Variants in MON2 observed in about 807,000 individuals in gnomAD.
The protein encoded by MON2 is MON2 regulator of endosome-to-Golgi trafficking.
MON2 carries 84 observed loss-of-function variants against 208.6 expected under a neutral mutation model. The ratio of observed to expected loss-of-function variants is 0.40; its 90% confidence interval spans 0.34 to 0.48. MON2 has a LOEUF of 0.48. Ranked by LOEUF, MON2 falls within the 20% of genes least tolerant of loss-of-function variation. The pLI, the probability that MON2 is intolerant of heterozygous loss-of-function variation, is 0.59. For missense variants in MON2, 1,611 were observed against 2,015.4 expected, an observed-to-expected ratio of 0.80 and a Z score of 3.84; for synonymous variants, 660 against 694.0, an observed-to-expected ratio of 0.95 and a Z score of 0.77.
At chr12:62,502,948 G>C (rs1033372422) in intron 7 of MON2, among the ~76,000 whole-genome samples, 4 of 152,004 alleles carry the variant, frequency 2.6e-5, no homozygotes, top group African/African-American at 9.7e-5. Flanking sequence ...CATAATTTTT[G>C]GTATACATTA....
intron 1 of MON2, among the ~76,000 whole-genome samples, chr12:62,476,538 G>T (rs553587502): frequency 6.6e-6 from 1 of 151,714 alleles, no homozygotes; most frequent in Non-Finnish European, 1.5e-5. Context: ...AGGCTCAAGC[G>T]ATTCTCTTGC....
At chr12:62,572,038 T>C (rs2074613067) in intron 30 of MON2, among the ~76,000 whole-genome samples, 1 of 152,218 alleles carries the variant, frequency 6.6e-6, no homozygotes, top group Non-Finnish European at 1.5e-5. Context: ...TTAAAGCTTG[T>C]ATTTAGGATG....
chr12:62,571,852 A>G (rs990952542), intron 30 of MON2, among the ~76,000 whole-genome samples: 1 of 152,380 alleles, frequency 6.6e-6, no homozygotes, highest in Admixed American at 6.5e-5. Context: ...TTAACTTAAT[A>G]AAACTAAGAA....
In MON2 at chr12:62,553,090, G is replaced by A. The variant is rs112464579; in HGVS notation, c.3126G>A (p.Lys1042=). The part of the protein sequence containing the change: ...LCVDPRPAVR[K]SAGQTLFSTI... ...TGGATCCCCGTCCTGCTGTCAGGAA[G>A]AGTGCAGGGCAAACTCTGTTTTCTA... The change falls in exon 24 of 35, where the codon AAG becomes AAA. Residue 1042 remains lysine (K), a synonymous_variant. Coordinates refer to ENST00000393630, the MANE Select transcript of MON2 (RefSeq NM_015026.3). The A allele has an allele frequency of 2.3e-5, 37 of 1,614,088 alleles. No homozygotes were observed. In the African/African-American group the frequency reaches 3.5e-4, roughly 15 times the overall value.
At chr12:62,530,364 G>A (rs1042003802) in intron 11 of MON2, among the ~76,000 whole-genome samples, 3 of 151,464 alleles carry the variant, frequency 2.0e-5, no homozygotes, top group Admixed American at 1.3e-4. Flanking sequence ...CCGAGTAGCT[G>A]TGACTACAGG....
At chr12:62,586,945 T>C (rs2136491453) in intron 33 of MON2, among the ~76,000 whole-genome samples, 1 of 152,322 alleles carries the variant, frequency 6.6e-6, no homozygotes, top group South Asian at 2.1e-4. Context: ...TATCATTTAA[T>C]TGTTTTGTAA....
At chr12:62,491,463 A>G (rs2070136650) in intron 2 of MON2, among the ~76,000 whole-genome samples, 1 of 152,160 alleles carries the variant, frequency 6.6e-6, no homozygotes, top group Non-Finnish European at 1.5e-5. Context: ...ATGAAAGTAT[A>G]TCTTCTTTTT....
chr12:62,489,762 A>T (rs1031710274), intron 2 of MON2, among the ~76,000 whole-genome samples: 2 of 152,014 alleles, frequency 1.3e-5, no homozygotes, highest in African/African-American at 4.8e-5. Context: ...AACTGCCTAG[A>T]CTTTCATTTG....
chr12:62,492,933 C>T (rs2070247398), intron 2 of MON2, among the ~76,000 whole-genome samples: 2 of 151,738 alleles, frequency 1.3e-5, no homozygotes, highest in South Asian at 2.1e-4. Flanking sequence ...GAGCCAAGAT[C>T]GTGCCACTGC....
chr12:62,476,933 G>A (rs146792774), intron 1 of MON2, among the ~76,000 whole-genome samples: 13 of 152,220 alleles, frequency 8.5e-5, no homozygotes, highest in African/African-American at 3.1e-4. Flanking sequence ...GAAGACTGGA[G>A]GATCACTGAG....
chr12:62,565,850 G>A, intron 27 of MON2, 164 bp from the exon 28 acceptor site: 1 of 587,206 alleles, frequency 1.7e-6, no homozygotes, highest in Admixed American at 3.5e-5. Context: ...TATAGCCATA[G>A]TTGGCAAATT....
chr12:62,577,440 C>T (rs1227385677), intron 30 of MON2, among the ~76,000 whole-genome samples: 1 of 152,066 alleles, frequency 6.6e-6, no homozygotes, highest in Non-Finnish European at 1.5e-5. Flanking sequence ...AAAGAAACCA[C>T]AGTCTGATGC....
At chr12:62,534,423 G>T (rs568089500) in intron 12 of MON2, among the ~76,000 whole-genome samples, 56 of 147,252 alleles carry the variant, frequency 3.8e-4, no homozygotes, top group African/African-American at 1.3e-3. Flanking sequence ...GGAGGCTAAG[G>T]CAGGAAAATC....
In MON2 at chr12:62,592,759, A is replaced by T; in HGVS notation, c.*10A>T. ...AAATGGAGAATCTTGACCGGCTACA[A>T]TATATTTGAAAGCAGGAAGATAGTC... On this transcript the variant is annotated 3_prime_UTR_variant, in exon 35 of 35. Coordinates refer to ENST00000393630, the MANE Select transcript of MON2 (RefSeq NM_015026.3). The T allele has an allele frequency of 1.9e-6, 3 of 1,561,696 alleles. No homozygotes were observed. Among genetic ancestry groups the T allele is most frequent in the Non-Finnish European group, 2.6e-6 (3 of 1,141,990 alleles).
In MON2 at chr12:62,466,865, G is replaced by T; in HGVS notation, c.-343G>T. On this transcript the variant is annotated 5_prime_UTR_variant, in exon 1 of 35. Coordinates refer to ENST00000393630, the MANE Select transcript of MON2 (RefSeq NM_015026.3). The stretch of plus-strand genomic sequence containing the variant: ...CGTCGGCGAGTCTTAGGGGCCTGGG[G>T]AGCTGGCGCTGAAGCTTCTTGCCAG... 4.4e-6 allele frequency: 2 copies of T among 454,752 alleles called. No individual in the cohort carries two copies. Among genetic ancestry groups the T allele is most frequent in the Non-Finnish European group, 7.8e-6 (2 of 257,074 alleles). 28.2% of individuals were successfully genotyped at this position (454,752 alleles called of 1,614,324 possible). A position where few individuals can be genotyped will look rare whatever the true frequency, so the allele number is the denominator to read the frequency against.
At chr12:62,535,881 T>C (rs1485409205) in intron 14 of MON2, among the ~76,000 whole-genome samples, 172 bp downstream of exon 14, 1 of 89,232 alleles carries the variant, frequency 1.1e-5, no homozygotes, top group Admixed American at 1.4e-4. Flanking sequence ...GGGTGGGGGG[T>C]GGGCATGGGA....
chr12:62,483,840 T>C (rs1177338659), intron 1 of MON2, among the ~76,000 whole-genome samples: 2 of 152,232 alleles, frequency 1.3e-5, no homozygotes, highest in Non-Finnish European at 2.9e-5. Context: ...TTATTTTCAG[T>C]AGATTTTGTT....
intron 2 of MON2, 61 bp downstream of exon 2, chr12:62,484,294 A>T: frequency 9.3e-7 from 1 of 1,071,274 alleles, no homozygotes; most frequent in South Asian, 1.4e-5. Context: ...TAAAAGTAGA[A>T]TCTTTATTGT....
chr12:62,561,130 G>A lies in MON2; in HGVS notation c.4032+17G>A. On this transcript the variant is annotated intron_variant, in intron 26 of 34. Transcript: ENST00000393630. ...CTCCAAAAGGTAATATAATTTTAGTGGCTAAGTAATACTGCATATAGTTCT... is the reference window on the plus strand; with the variant it reads ...CTCCAAAAGGTAATATAATTTTAGTAGCTAAGTAATACTGCATATAGTTCT... 6.4e-7 allele frequency: 1 copy of A among 1,569,814 alleles called. No homozygotes were observed. The highest frequency in any genetic ancestry group is 8.6e-7 in the Non-Finnish European group (1 of 1,160,846).
Sources: allele counts gnomAD v4.1 joint callset (sites outside exome capture counted in the v4.1 genomes callset), GRCh38; gene constraint gnomAD v4.1.1; transcripts MANE v1.5; gene names NCBI Gene and HGNC (gene_info 2026-07-23, HGNC 2026-07-21).